The following PCDHA2 variants were observed in gnomAD, a reference collection of about 807,000 sequenced individuals.
The protein encoded by PCDHA2 is protocadherin alpha-2.
PCDHA2 carries 58 observed loss-of-function variants against 66.0 expected under a neutral mutation model. The ratio of observed to expected loss-of-function variants is 0.88; its 90% CI spans 0.71 to 1.09. PCDHA2 has a LOEUF of 1.09. Among genes scored for constraint, PCDHA2 ranks in the 50% least tolerant of loss-of-function variants. The pLI is 0.00. For missense variants in PCDHA2, 1,267 were observed against 1,242.3 expected (o/e 1.02, Z -0.30); for synonymous variants, 634 against 554.0 (o/e 1.14, Z -2.03).
intron 1 of PCDHA2, chr5:140,803,236 C>G (rs1554122668): frequency 6.2e-7 from 1 of 1,613,802 alleles, no homozygotes; most frequent in East Asian, 2.2e-5. Flanking sequence ...AAGGCCTCGT[C>G]CCAGGCGTCC....
intron 1 of PCDHA2, chr5:140,862,633 G>T (rs113613111): frequency 3.7e-6 from 2 of 537,190 alleles, no homozygotes; most frequent in East Asian, 5.1e-5. Context: ...GGGCTGCCAC[G>T]ACTTCACAGT....
chr5:140,855,736 A>T (rs1422055740), intron 1 of PCDHA2: 3 of 305,736 alleles, frequency 9.8e-6, no homozygotes, highest in African/African-American at 6.5e-5. Context: ...CTATAAAGAG[A>T]CGTAATGTGA....
At chr5:140,825,916 C>G (rs1236505717) in intron 1 of PCDHA2, 2 of 152,402 alleles carry the variant, frequency 1.3e-5, no homozygotes, top group African/African-American at 4.8e-5. Context: ...CTACGCTAGA[C>G]AGGTGTCCTC....
Position 140,850,271 on chromosome 5 carries a change from G to T in PCDHA2, c.2388+52919G>T, listed in dbSNP as rs2150476864. 1.9e-6 allele frequency: 3 copies of T among 1,595,372 alleles called. No homozygotes were observed. The South Asian group carries it at 3.3e-5, about 18-fold the overall frequency. On this transcript the variant is annotated intron_variant, in intron 1 of 3. Coordinates refer to ENST00000526136, the MANE Select transcript of PCDHA2 (RefSeq NM_018905.3). ...CGGTGGGCGCCGGCGTAGTGGTGGG[G>T]AAGGTGCGCGCAGTGGACGCCGACT...
chr5:141,000,805 G>C (rs1049253262), intron 3 of PCDHA2, among the ~76,000 whole-genome samples: 2 of 151,852 alleles, frequency 1.3e-5, no homozygotes, highest in Non-Finnish European at 2.9e-5. Context: ...TACTCAGAAG[G>C]CTGAGGTGGG....
intron 3 of PCDHA2, among the ~76,000 whole-genome samples, chr5:141,008,546 A>G (rs2098381708): frequency 6.6e-6 from 1 of 150,382 alleles, no homozygotes; most frequent in Non-Finnish European, 1.5e-5. Flanking sequence ...TTTATTGAAA[A>G]CTCCTGTGGA....
rs200002785 is a variant in PCDHA2, at chr5:140,870,350, A to G, written c.2388+72998A>G. On this transcript the variant is annotated intron_variant, in intron 1 of 3. Transcript: ENST00000526136. ...CTGGACAGCGCCCTGGACCGCGAGA[A>G]CGTGTGGGCCTATGAACTGGTGGTG... 1.1e-4 allele frequency: 183 copies of G among 1,614,052 alleles called. 1 individual carries two copies. Among genetic ancestry groups the G allele is most frequent in the Middle Eastern group, 3.3e-4 (2 of 6,084 alleles).
chr5:140,877,433 A>G, intron 1 of PCDHA2: 8 of 1,613,774 alleles, frequency 5.0e-6, no homozygotes, highest in Non-Finnish European at 6.8e-6. Context: ...GTGAAGGACC[A>G]CGGTGAGCCC....
At position 140,836,068 on chromosome 5, in the gene PCDHA2, C is replaced by T. The variant is rs2150251885; in HGVS notation, c.2388+38716C>T. 8.1e-6 allele frequency: 13 copies of T among 1,613,540 alleles called. No individual in the cohort carries two copies. The highest frequency in any genetic ancestry group is 1.6e-4 in the Middle Eastern group (1 of 6,084). ...TTCGTGCTGGACGAGAACGACAACG[C>T]GCCGGCACTGCTGGCGCCTCGGGTG... On this transcript the variant is annotated intron_variant, in intron 1 of 3. Coordinates refer to ENST00000526136, the MANE Select transcript of PCDHA2 (RefSeq NM_018905.3).
chr5:140,966,658 G>A (rs887585622), intron 1 of PCDHA2: 5 of 1,212,426 alleles, frequency 4.1e-6, no homozygotes, highest in Admixed American at 3.9e-5. Flanking sequence ...GAGCGGTGGG[G>A]GAGCAGGCGC....
chr5:140,886,463 GT>G (rs1387154249), intron 1 of PCDHA2, among the ~76,000 whole-genome samples: 5 of 152,042 alleles, frequency 3.3e-5, no homozygotes, highest in East Asian at 1.9e-4. Flanking sequence ...ATATATAAAT[GT>G]TTTTAAAATG....
intron 3 of PCDHA2, among the ~76,000 whole-genome samples, chr5:141,003,283 G>A (rs1331116001): frequency 3.3e-5 from 5 of 152,188 alleles, no homozygotes; most frequent in African/African-American, 1.2e-4. Flanking sequence ...GCCCAAATTG[G>A]ATTATAGGAT....
At chr5:140,843,524 G>T in intron 1 of PCDHA2, 1 of 1,595,982 alleles carries the variant, frequency 6.3e-7, no homozygotes, top group South Asian at 1.1e-5. Flanking sequence ...GTGCCGGGCG[G>T]GCAAGCCCAC....
At chr5:140,842,144 G>A (rs2150330322) in intron 1 of PCDHA2, 1 of 1,613,850 alleles carries the variant, frequency 6.2e-7, no homozygotes, top group African/African-American at 1.3e-5. Flanking sequence ...AGGAGCCAAT[G>A]GGGCAATTTC....
At chr5:140,930,245 C>T (rs1355884137) in intron 1 of PCDHA2, 2 of 152,164 alleles carry the variant, frequency 1.3e-5, no homozygotes, top group African/African-American at 4.8e-5. Flanking sequence ...AAAGTCCATT[C>T]AACTTGGATT....
chr5:140,909,496 G>C (rs1554193832), intron 1 of PCDHA2, among the ~76,000 whole-genome samples: 1 of 152,168 alleles, frequency 6.6e-6, no homozygotes, highest in African/African-American at 2.4e-5. Context: ...GCTGAACGGG[G>C]ATGTGGTGGG....
Position 140,797,347 on chromosome 5 carries a change from G to A in PCDHA2, c.2383G>A (p.Gly795Arg). ...ACAGCTCTCAGAATCAGAATACGTA[G>A]GAAAGGTGAGTCTTTTACTTTTTCT... ...EKQLSESEYV[G>R]KPRQPNPDWR... Residue 795 changes from glycine (G) to arginine (R), a missense_variant, in exon 1 of 4, where the codon GGA becomes AGA. Physicochemically the swap from Gly to Arg is moderately radical, Grantham distance 125 (BLOSUM62 -2). Transcript: ENST00000526136. 6.2e-7 allele frequency: 1 copy of A among 1,613,800 alleles called. No individual in the cohort carries two copies.
At chr5:140,972,660 A>ATTTTTT (rs11350929) in intron 1 of PCDHA2, among the ~76,000 whole-genome samples, 2 of 117,268 alleles carry the variant, frequency 1.7e-5, no homozygotes, top group African/African-American at 3.3e-5. Context: ...AAGAAACCAA[A>ATTTTTT]TTTTTTTTTT....
intron 1 of PCDHA2, among the ~76,000 whole-genome samples, chr5:140,938,453 G>A (rs558258483): frequency 6.6e-6 from 1 of 151,990 alleles, no homozygotes; most frequent in African/African-American, 2.4e-5. Context: ...AGTTCCCTTT[G>A]TTTTTTAATT....
Sources: allele counts gnomAD v4.1 joint callset (sites outside exome capture counted in the v4.1 genomes callset), GRCh38; gene constraint gnomAD v4.1.1; transcripts MANE v1.5; gene names NCBI Gene and HGNC (gene_info 2026-07-23, HGNC 2026-07-21).